Variants in TGM4 observed in about 807,000 individuals in gnomAD.
The protein encoded by TGM4 is transglutaminase 4.
In TGM4, 61 loss-of-function variants were observed where a neutral mutation model predicts 76.3. The observed-to-expected ratio is 0.80, with a 90% CI of 0.65 to 0.99. TGM4 has a LOEUF of 0.99. TGM4 is among the 50% of genes least tolerant of loss of function. TGM4 has a pLI of 0.00. For synonymous variants in TGM4, 337 were observed against 329.8 expected, an observed-to-expected ratio of 1.02 and a Z score of -0.24; for missense variants, 794 against 843.2, an observed-to-expected ratio of 0.94 and a Z score of 0.72.
chr3:44,898,831 C>G (rs1699815636), intron 6 of TGM4, among the ~76,000 whole-genome samples: 1 of 152,158 alleles, frequency 6.6e-6, no homozygotes, highest in South Asian at 2.1e-4. Flanking sequence ...CCCAGGAGTC[C>G]ACCATGCCTG....
chr3:44,890,757 G>A, intron 4 of TGM4, 25 bp downstream of exon 4: 1 of 1,612,158 alleles, frequency 6.2e-7, no homozygotes, highest in Non-Finnish European at 8.5e-7. Flanking sequence ...AGGTCTGCTG[G>A]GGAATGGCAG....
intron 10 of TGM4, 150 bp downstream of exon 10, chr3:44,907,350 G>C: frequency 9.1e-7 from 1 of 1,099,442 alleles, no homozygotes; most frequent in Non-Finnish European, 1.3e-6. Flanking sequence ...GGGTGTGGTG[G>C]CATGTGCCTG....
intron 6 of TGM4, among the ~76,000 whole-genome samples, chr3:44,898,452 GA>G (rs1464542352): frequency 6.6e-6 from 1 of 152,204 alleles, no homozygotes; most frequent in Non-Finnish European, 1.5e-5. Flanking sequence ...GAGAGAATGA[GA>G]GTGAAGAAGG....
chr3:44,878,030 AG>A (rs1421341561), intron 1 of TGM4, among the ~76,000 whole-genome samples: 3 of 152,122 alleles, frequency 2.0e-5, no homozygotes, highest in Admixed American at 2.0e-4. Flanking sequence ...GCATGCCTGT[AG>A]TGCCAGCTAC....
At chr3:44,908,390 GTTTT>G (rs1301805742) in intron 10 of TGM4, among the ~76,000 whole-genome samples, 5 of 150,738 alleles carry the variant, frequency 3.3e-5, no homozygotes, top group Non-Finnish European at 7.4e-5. Context: ...TTTTGTTTTT[GTTTT>G]TTTTGTTTTT....
At chr3:44,887,851 A>G in intron 3 of TGM4, 56 bp downstream of exon 3, 2 of 1,488,450 alleles carry the variant, frequency 1.3e-6, no homozygotes, top group Non-Finnish European at 1.9e-6. Context: ...GAATGCTCCT[A>G]ATGTGAGCAG....
chr3:44,913,744 A>G lies in TGM4; in HGVS notation c.*19A>G. ...CAAGTAGCCTTGTCTGATGCTGTGGAGCCTTAGTTGAGATTTCAGCATTTC... is the reference window on the plus strand; with the variant it reads ...CAAGTAGCCTTGTCTGATGCTGTGGGGCCTTAGTTGAGATTTCAGCATTTC... On this transcript the variant is annotated 3_prime_UTR_variant, in exon 14 of 14. Coordinates refer to ENST00000296125, the MANE Select transcript of TGM4 (RefSeq NM_003241.4). 1 of 1,605,596 alleles carries G rather than the reference A, an allele frequency of 6.2e-7. No homozygotes were observed. Among genetic ancestry groups the G allele is most frequent in the Non-Finnish European group, 8.5e-7 (1 of 1,176,794 alleles).
At chr3:44,893,755 T>A in intron 5 of TGM4, 60 bp downstream of exon 5, 1 of 1,403,534 alleles carries the variant, frequency 7.1e-7, no homozygotes, top group Non-Finnish European at 1.0e-6. Flanking sequence ...CCCTTTTAGC[T>A]GGGTAGTAGT....
chr3:44,890,765 C>T, intron 4 of TGM4, 33 bp downstream of exon 4: 1 of 1,610,992 alleles, frequency 6.2e-7, no homozygotes, highest in Non-Finnish European at 8.5e-7. Context: ...TGGGGAATGG[C>T]AGGTGACCCC....
At position 44,893,647 on chromosome 3, in the gene TGM4, C is replaced by A; in HGVS notation, c.501C>A (p.Tyr167Ter). 6.2e-7 allele frequency: 1 copy of A among 1,613,920 alleles called. No individual in the cohort carries two copies. Among genetic ancestry groups the A allele is most frequent in the Non-Finnish European group, 8.5e-7 (1 of 1,179,866 alleles). ...TCCTCAATGACACGGGCTGCCATTA[C>A]GTGGGGGCTGCCAGAAGTATCAAAT... ...EYILNDTGCH[Y>*]VGAARSIKCK... Residue 167 changes from tyrosine to a stop codon, truncating the protein, a stop_gained, in exon 5 of 14, where the codon TAC becomes TAA. Coordinates refer to ENST00000296125, the MANE Select transcript of TGM4 (RefSeq NM_003241.4). LOFTEE classifies it high-confidence loss of function.
At chr3:44,908,080 T>A (rs948377556) in intron 10 of TGM4, among the ~76,000 whole-genome samples, 1 of 152,118 alleles carries the variant, frequency 6.6e-6, no homozygotes, top group African/African-American at 2.4e-5. Flanking sequence ...AGCAGGTCAG[T>A]TTGGACCCCT....
At chr3:44,905,619 T>C (rs547700208) in intron 9 of TGM4, among the ~76,000 whole-genome samples, 56 of 152,300 alleles carry the variant, frequency 3.7e-4, no homozygotes, top group African/African-American at 1.2e-3. Context: ...AGGTTACAAT[T>C]TAAACATACT....
chr3:44,879,515 C>A (rs1243450252), intron 1 of TGM4, among the ~76,000 whole-genome samples: 1 of 148,764 alleles, frequency 6.7e-6, no homozygotes, highest in East Asian at 1.9e-4. Flanking sequence ...CTCTGTCGCC[C>A]AGGCTGGAGT....
chr3:44,875,121 A>T (rs1304390226), intron 1 of TGM4, among the ~76,000 whole-genome samples: 1 of 152,186 alleles, frequency 6.6e-6, no homozygotes, highest in African/African-American at 2.4e-5. Context: ...CTCTTACGTA[A>T]CCAATACAAT....
chr3:44,884,896 T>C (rs905879765), intron 1 of TGM4, among the ~76,000 whole-genome samples: 1 of 152,182 alleles, frequency 6.6e-6, no homozygotes, highest in Non-Finnish European at 1.5e-5. Flanking sequence ...TCAGCTTTTG[T>C]GTTGATTGAC....
intron 2 of TGM4, 86 bp from the exon 3 acceptor site, chr3:44,887,603 G>C (rs1205049103): frequency 1.6e-6 from 2 of 1,232,528 alleles, no homozygotes; most frequent in African/African-American, 3.0e-5. Context: ...GGCTCCATGA[G>C]TGGGCAGTAG....
Position 44,885,305 on chromosome 3 carries a change from A to T in TGM4, c.20-20A>T. 1 of 1,590,728 alleles carries T rather than the reference A, an allele frequency of 6.3e-7. No individual in the cohort carries two copies. On this transcript the variant is annotated intron_variant, in intron 1 of 13. Coordinates refer to ENST00000296125, the MANE Select transcript of TGM4 (RefSeq NM_003241.4). ...AACATTCTCTGTGCTCTCTTTCCACATGTGCTGCGTTGCTGACAGAGCTGC... is the reference window on the plus strand; with the variant it reads ...AACATTCTCTGTGCTCTCTTTCCACTTGTGCTGCGTTGCTGACAGAGCTGC...
At chr3:44,879,259 CTCTCTCTATATA>C (rs1374629989) in intron 1 of TGM4, among the ~76,000 whole-genome samples, 16 of 101,698 alleles carry the variant, frequency 1.6e-4, no homozygotes, top group African/African-American at 4.9e-4. Context: ...CTCTCTCTCT[CTCTCTCTATATA>C]TATATATATA....
intron 8 of TGM4, among the ~76,000 whole-genome samples, chr3:44,902,519 G>C (rs1699868293): frequency 6.6e-6 from 1 of 152,186 alleles, no homozygotes; most frequent in Non-Finnish European, 1.5e-5. Context: ...AGAATCACTT[G>C]AACCCGGGAG....
Sources: allele counts gnomAD v4.1 joint callset (sites outside exome capture counted in the v4.1 genomes callset), GRCh38; gene constraint gnomAD v4.1.1; transcripts MANE v1.5; gene names NCBI Gene and HGNC (gene_info 2026-07-23, HGNC 2026-07-21).